The following NRG3 variants were observed in gnomAD, a reference collection of about 807,000 sequenced individuals.
NRG3 encodes the protein neuregulin 3, also known as pro-neuregulin-3, membrane-bound isoform.
In NRG3, 31 loss-of-function variants were observed where a neutral mutation model predicts 66.9. The observed-to-expected ratio is 0.46, with a 90% confidence interval of 0.35 to 0.63. The LOEUF (loss-of-function observed/expected upper bound fraction) is 0.63. Ranked by LOEUF, NRG3 falls within the 20% of genes least tolerant of loss-of-function variation. The pLI is 0.00. For missense variants in NRG3, 910 were observed against 878.9 expected (o/e 1.04, Z -0.45); for synonymous variants, 393 against 359.4 (o/e 1.09, Z -1.06).
At chr10:82,047,188 CCAT>C (rs1474740443) in intron 1 of NRG3, among the ~76,000 whole-genome samples, 1 of 151,508 alleles carries the variant, frequency 6.6e-6, no homozygotes, top group Non-Finnish European at 1.5e-5. Context: ...GGCTGTGAAT[CCAT>C]CTGGTCCTGG....
intron 2 of NRG3, among the ~76,000 whole-genome samples, chr10:82,434,016 T>C (rs1321092631): frequency 6.6e-6 from 1 of 152,190 alleles, no homozygotes; most frequent in African/African-American, 2.4e-5. Flanking sequence ...GGGAATAACA[T>C]TGAATCTATA....
intron 2 of NRG3, among the ~76,000 whole-genome samples, chr10:82,544,750 C>T (rs1486097241): frequency 6.6e-6 from 1 of 152,130 alleles, no homozygotes; most frequent in Admixed American, 6.5e-5. Context: ...TAATTTACTA[C>T]CCACAGATAG....
intron 1 of NRG3, among the ~76,000 whole-genome samples, chr10:81,986,971 T>C (rs536129731): frequency 1.3e-5 from 2 of 152,254 alleles, no homozygotes; most frequent in African/African-American, 2.4e-5. Context: ...ACCTTTAATA[T>C]AAAATTTCTA....
chr10:82,980,932 T>A (rs1010543639), intron 8 of NRG3, among the ~76,000 whole-genome samples: 16 of 152,202 alleles, frequency 1.1e-4, no homozygotes, highest in African/African-American at 3.9e-4. Flanking sequence ...TGATGCCTCT[T>A]ATTAGTGAAT....
chr10:82,253,550 G>A (rs941524730), intron 1 of NRG3, among the ~76,000 whole-genome samples: 7 of 151,968 alleles, frequency 4.6e-5, no homozygotes, highest in Admixed American at 2.0e-4. Context: ...CAATCCTTCC[G>A]TTTCTTTTCA....
chr10:81,987,592 A>G (rs2133537049), intron 1 of NRG3, among the ~76,000 whole-genome samples: 1 of 152,274 alleles, frequency 6.6e-6, no homozygotes, highest in Non-Finnish European at 1.5e-5. Context: ...AGGGTATGTA[A>G]TGTAGTTAAA....
At chr10:82,808,798 T>C (rs773025637) in intron 3 of NRG3, among the ~76,000 whole-genome samples, 4 of 152,346 alleles carry the variant, frequency 2.6e-5, no homozygotes, top group Non-Finnish European at 5.9e-5. Flanking sequence ...TGGGATAAGA[T>C]GATAAAACAA....
intron 3 of NRG3, among the ~76,000 whole-genome samples, chr10:82,784,721 A>T (rs1365382325): frequency 1.1e-4 from 17 of 151,946 alleles, no homozygotes; most frequent in Non-Finnish European, 4.4e-5. Context: ...GCTGGAGAGG[A>T]TATGGAGAAA....
At chr10:82,334,788 G>A (rs1053163470) in intron 1 of NRG3, among the ~76,000 whole-genome samples, 1 of 151,996 alleles carries the variant, frequency 6.6e-6, no homozygotes, top group African/African-American at 2.4e-5. Context: ...GTTATTGAAT[G>A]GAATAATATG....
At chr10:82,014,576 T>C (rs2061708704) in intron 1 of NRG3, among the ~76,000 whole-genome samples, 1 of 152,186 alleles carries the variant, frequency 6.6e-6, no homozygotes, top group South Asian at 2.1e-4. Context: ...CACAGAGAAT[T>C]ATGTGCCTTG....
intron 1 of NRG3, among the ~76,000 whole-genome samples, chr10:82,313,302 A>G (rs2081128708): frequency 6.6e-6 from 1 of 152,064 alleles, no homozygotes; most frequent in Non-Finnish European, 1.5e-5. Context: ...GTGTCACTGC[A>G]CTCCAGCCTC....
At chr10:82,229,382 C>T (rs543478824) in intron 1 of NRG3, among the ~76,000 whole-genome samples, 221 of 152,090 alleles carry the variant, frequency 1.5e-3, no homozygotes, top group Middle Eastern at 6.8e-3. Flanking sequence ...TGTCTCAAAG[C>T]AGACATTTGG....
At chr10:82,546,355 G>A (rs1381246487) in intron 2 of NRG3, among the ~76,000 whole-genome samples, 24 of 151,970 alleles carry the variant, frequency 1.6e-4, no homozygotes, top group Admixed American at 1.3e-3. Flanking sequence ...AATAAATACC[G>A]AGATAGTTTT....
chr10:82,199,186 A>G lies in NRG3; in HGVS notation c.824-159553A>G, dbSNP rs1188352676. On this transcript the variant is annotated intron_variant, in intron 1 of 8. Coordinates refer to ENST00000372141, the MANE Select transcript of NRG3 (RefSeq NM_001010848.4). ...GACTCTGTCCGGAAAAAAAAAAAAAAGAAAAGAAAAAAAAATAACTCAAGT... is the reference window on the plus strand; with the variant it reads ...GACTCTGTCCGGAAAAAAAAAAAAAGGAAAAGAAAAAAAAATAACTCAAGT... Among the ~76,000 whole-genome samples the G allele has an allele frequency of 2.7e-5, 4 of 149,658 alleles. No individual in the cohort carries two copies. In the East Asian group the frequency reaches 6.2e-4, roughly 23 times the overall value.
intron 2 of NRG3, among the ~76,000 whole-genome samples, chr10:82,716,509 CA>C (rs1218770824): frequency 6.6e-6 from 1 of 152,142 alleles, no homozygotes; most frequent in Non-Finnish European, 1.5e-5. Context: ...TTCTACATGG[CA>C]GGTGGCCCCA....
chr10:82,409,148 G>A (rs2087850766), intron 2 of NRG3, among the ~76,000 whole-genome samples: 1 of 152,092 alleles, frequency 6.6e-6, no homozygotes, highest in Non-Finnish European at 1.5e-5. Context: ...AATTTTCTGA[G>A]CAAGTTATCA....
intron 2 of NRG3, among the ~76,000 whole-genome samples, chr10:82,711,040 G>A (rs1421836721): frequency 1.3e-5 from 2 of 152,016 alleles, no homozygotes; most frequent in African/African-American, 2.4e-5. Flanking sequence ...CCAAGTTGGT[G>A]GGATTACAGT....
At chr10:82,263,733 A>G (rs1420750839) in intron 1 of NRG3, among the ~76,000 whole-genome samples, 1 of 152,136 alleles carries the variant, frequency 6.6e-6, no homozygotes, top group Non-Finnish European at 1.5e-5. Flanking sequence ...CCCTTTCCCA[A>G]GGGATGACAT....
intron 3 of NRG3, among the ~76,000 whole-genome samples, chr10:82,785,495 G>C (rs1027498724): frequency 6.6e-6 from 1 of 152,038 alleles, no homozygotes; most frequent in African/African-American, 2.4e-5. Context: ...AACAGTAAAG[G>C]CTACTCTGAC....
Sources: gnomAD v4.1 joint callset for allele counts (sites outside exome capture counted in the v4.1 genomes callset) on GRCh38, gnomAD v4.1.1 for gene constraint, MANE v1.5 for transcripts, NCBI Gene and HGNC (gene_info 2026-07-23, HGNC 2026-07-21) for gene names.